The following CCDC178 variants were observed in gnomAD, a reference collection of about 807,000 sequenced individuals.
CCDC178 encodes coiled-coil domain-containing protein 178.
CCDC178 carries 126 observed loss-of-function variants against 117.4 expected under a neutral mutation model. That is an observed-to-expected ratio of 1.07 (90% CI 0.93 to 1.24). CCDC178 has a LOEUF of 1.24. Among genes scored for constraint, CCDC178 ranks in the 50% most tolerant of loss-of-function variants. The pLI is 0.00. For missense variants in CCDC178, 1,030 were observed against 986.9 expected (o/e 1.04, Z -0.59); for synonymous variants, 283 against 313.4 (o/e 0.90, Z 1.02).
At chr18:32,995,259 T>A (rs557870522) in intron 21 of CCDC178, among the ~76,000 whole-genome samples, 1 of 152,348 alleles carries the variant, frequency 6.6e-6, no homozygotes, top group African/African-American at 2.4e-5. Flanking sequence ...AGAAGTTGAA[T>A]CTCTTAATGG....
At chr18:33,364,253 G>T (rs1284234725) in intron 6 of CCDC178, among the ~76,000 whole-genome samples, 10 of 152,058 alleles carry the variant, frequency 6.6e-5, no homozygotes, top group Non-Finnish European at 1.5e-5. Flanking sequence ...GAGTACATGT[G>T]TATATGTACG....
At chr18:33,247,593 CAA>C (rs1052533265) in intron 14 of CCDC178, among the ~76,000 whole-genome samples, 1 of 151,738 alleles carries the variant, frequency 6.6e-6, no homozygotes, top group Non-Finnish European at 1.5e-5. Flanking sequence ...CAAGCACACA[CAA>C]TATATATGTG....
rs2059825038 is a variant in CCDC178 at position 33,266,988 on chromosome 18, C to T, written c.1337G>A (p.Cys446Tyr). ...TTTATTGTCTTCCGTCAGTTTTGTA[C>T]ATGCCAAAGAAATAGCTGAAAAATC... The part of the protein sequence containing the change: ...AKDFSAISLA[C>Y]TKLTEDNKKL... The change falls in exon 14 of 23, where the codon TGT becomes TAT. Residue 446 changes from cysteine to tyrosine, a missense_variant. Coordinates refer to ENST00000383096, the MANE Select transcript of CCDC178 (RefSeq NM_001105528.4). 1 of 1,602,172 alleles carries T rather than the reference C, an allele frequency of 6.2e-7. No homozygotes were observed.
chr18:33,113,164 C>A (rs1267192481), intron 20 of CCDC178, among the ~76,000 whole-genome samples: 1 of 151,886 alleles, frequency 6.6e-6, no homozygotes, highest in Non-Finnish European at 1.5e-5. Flanking sequence ...GAGAAAAAAA[C>A]ACAATGAATC....
At chr18:33,344,915 T>A (rs920290933) in intron 9 of CCDC178, among the ~76,000 whole-genome samples, 1 of 150,962 alleles carries the variant, frequency 6.6e-6, no homozygotes, top group African/African-American at 2.4e-5. Flanking sequence ...ACAAATTCTA[T>A]TCAAAAAGAA....
At chr18:33,036,250 A>G (rs994327988) in intron 21 of CCDC178, among the ~76,000 whole-genome samples, 1 of 151,884 alleles carries the variant, frequency 6.6e-6, no homozygotes, top group Non-Finnish European at 1.5e-5. Context: ...AAAGAAAATG[A>G]TATTTTCGTT....
intron 5 of CCDC178, among the ~76,000 whole-genome samples, chr18:33,381,823 ATTG>A (rs954673782): frequency 1.3e-4 from 20 of 152,000 alleles, no homozygotes; most frequent in African/African-American, 4.1e-4. Context: ...TATTGTAAAA[ATTG>A]TTGTATACAT....
At chr18:33,120,769 T>C (rs182263688) in intron 20 of CCDC178, among the ~76,000 whole-genome samples, 350 of 152,286 alleles carry the variant, frequency 2.3e-3, no homozygotes, top group African/African-American at 8.2e-3. Flanking sequence ...ATATTTTTGT[T>C]TTCTTCCTTA....
At chr18:33,005,042 G>A (rs543558831) in intron 21 of CCDC178, among the ~76,000 whole-genome samples, 2 of 152,138 alleles carry the variant, frequency 1.3e-5, no homozygotes, top group South Asian at 4.1e-4. Flanking sequence ...CAACCACTAT[G>A]GAAAATAGTT....
intron 11 of CCDC178, among the ~76,000 whole-genome samples, chr18:33,306,121 A>G (rs1275656527): frequency 6.6e-6 from 1 of 152,216 alleles, no homozygotes; most frequent in African/African-American, 2.4e-5. Flanking sequence ...TGCTCGTCCT[A>G]AGACTTATTC....
chr18:32,977,310 T>C (rs1936031542), intron 21 of CCDC178, among the ~76,000 whole-genome samples: 1 of 152,174 alleles, frequency 6.6e-6, no homozygotes, highest in Non-Finnish European at 1.5e-5. Flanking sequence ...CAGTCACTTC[T>C]AGATTAAGGA....
intron 21 of CCDC178, among the ~76,000 whole-genome samples, chr18:33,047,596 G>C (rs1484023136): frequency 6.6e-6 from 1 of 152,116 alleles, no homozygotes; most frequent in Non-Finnish European, 1.5e-5. Context: ...TTCTTCATCT[G>C]TGAAATGAAA....
At chr18:33,379,750 C>T (rs1026653617) in intron 5 of CCDC178, among the ~76,000 whole-genome samples, 1 of 152,030 alleles carries the variant, frequency 6.6e-6, no homozygotes, top group African/African-American at 2.4e-5. Context: ...AAGTGAACCC[C>T]CAAACAACAA....
chr18:33,045,015 T>C (rs2056616816), intron 21 of CCDC178, among the ~76,000 whole-genome samples: 1 of 152,066 alleles, frequency 6.6e-6, no homozygotes, highest in Admixed American at 6.6e-5. Context: ...GGTCGGAGGA[T>C]GCAAGGGGGA....
chr18:33,336,357 T>A (rs1415728775), intron 9 of CCDC178, among the ~76,000 whole-genome samples: 3 of 152,228 alleles, frequency 2.0e-5, no homozygotes. Context: ...CTCAAGGACA[T>A]CAGGGTTTCA....
intron 11 of CCDC178, 173 bp downstream of exon 11, chr18:33,323,318 T>C (rs2062539638): frequency 5.5e-6 from 2 of 362,158 alleles, no homozygotes. Context: ...ATTTTACATA[T>C]ATGAAATATA....
intron 20 of CCDC178, among the ~76,000 whole-genome samples, chr18:33,204,318 A>T (rs533999499): frequency 6.6e-6 from 1 of 152,298 alleles, no homozygotes; most frequent in Non-Finnish European, 1.5e-5. Flanking sequence ...GAACAAAAAT[A>T]GGAATGAAAG....
chr18:33,044,649 A>G (rs2056610296), intron 21 of CCDC178, among the ~76,000 whole-genome samples: 3 of 152,184 alleles, frequency 2.0e-5, no homozygotes. Context: ...TAGAGCTACC[A>G]TTTGATCTGG....
At chr18:33,151,718 A>G (rs1436941080) in intron 20 of CCDC178, among the ~76,000 whole-genome samples, 1 of 152,212 alleles carries the variant, frequency 6.6e-6, no homozygotes, top group Non-Finnish European at 1.5e-5. Context: ...CGGGATAATA[A>G]TATTAACACC....
Sources: gnomAD v4.1 joint callset for allele counts (sites outside exome capture counted in the v4.1 genomes callset) on GRCh38, gnomAD v4.1.1 for gene constraint, MANE v1.5 for transcripts, NCBI Gene and HGNC (gene_info 2026-07-23, HGNC 2026-07-21) for gene names.